APOB: variants seen among roughly 807,000 people sequenced by gnomAD.
The protein encoded by APOB is apolipoprotein B-100.
In APOB, 153 loss-of-function variants were observed where a neutral mutation model predicts 314.1. The ratio of observed to expected loss-of-function variants is 0.49; its 90% CI spans 0.43 to 0.56. The LOEUF (loss-of-function observed/expected upper bound fraction) is 0.56, where lower values mean the gene tolerates loss of function less well. APOB is among the 20% of genes least tolerant of loss of function. APOB has a pLI of 0.00. For missense variants in APOB, 5,430 were observed against 5,350.7 expected (o/e 1.01, Z -0.46); for synonymous variants, 2,087 against 2,036.4 (o/e 1.02, Z -0.67).
Position 21,005,124 on chromosome 2 carries a change from G to T in APOB, c.11744C>A (p.Ser3915Tyr). ...GAACTGTACGGTTGAGCTGCATGTGGAATCCAGGACTGTTTCAACATAATC... is the reference window on the plus strand; with the variant it reads ...GAACTGTACGGTTGAGCTGCATGTGTAATCCAGGACTGTTTCAACATAATC... ...KADYVETVLD[S>Y]TCSSTVQFLE... Residue 3915 changes from serine to tyrosine, a missense_variant, in exon 26 of 29, where the codon TCC (serine) becomes TAC (tyrosine). Ser to Tyr is a moderately radical substitution (Grantham distance 144, BLOSUM62 -2). Around this residue, in one of 3 missense-constraint regions of APOB, gnomAD observed 3,281 missense variants for 3,171.0 expected, o/e 1.03. Coordinates refer to ENST00000233242, the MANE Select transcript of APOB (RefSeq NM_000384.3). 6.2e-7 allele frequency: 1 copy of T among 1,613,984 alleles called. No individual in the cohort carries two copies. The highest frequency in any genetic ancestry group is 1.1e-5 in the South Asian group (1 of 91,082).
Position 21,010,033 on chromosome 2 carries a change from G to A in APOB, c.6835C>T (p.Gln2279Ter), listed in dbSNP as rs121918388. ...TGTTTTAACTTTCCAGCTAGGTGCT[G>A]GATGTCTATATTCTGTATGTGTCTC... ...LKRHIQNIDI[Q>*]HLAGKLKQHI... The change falls in exon 26 of 29, where the codon CAG becomes TAG. Residue 2279 changes from glutamine (Q) to a stop codon, truncating the protein, a stop_gained. Transcript: ENST00000233242. LOFTEE classifies it high-confidence loss of function. The A allele has an allele frequency of 6.2e-7, 1 of 1,613,596 alleles. No homozygotes were observed. Among genetic ancestry groups the A allele is most frequent in the Non-Finnish European group, 8.5e-7 (1 of 1,179,922 alleles).
rs1012731188 is a variant in APOB at position 21,004,256 on chromosome 2, A to G, written c.12087+13T>C. 6.2e-7 allele frequency: 1 copy of G among 1,613,620 alleles called. No individual in the cohort carries two copies. Among genetic ancestry groups the G allele is most frequent in the Non-Finnish European group, 8.5e-7 (1 of 1,179,628 alleles). The stretch of plus-strand genomic sequence containing the variant: ...CGCTCTTGGGGGCGTGTCACTCATT[A>G]GGTGGTATTTACCTGAGGGCTGTAG... On this transcript the variant is annotated intron_variant, in intron 28 of 28. Coordinates refer to ENST00000233242, the MANE Select transcript of APOB (RefSeq NM_000384.3).
Position 21,022,817 on chromosome 2 carries a change from G to A in APOB, c.2816+14C>T, listed in dbSNP as rs1312891367. The A allele has an allele frequency of 6.2e-7, 1 of 1,612,728 alleles. No individual in the cohort carries two copies. The highest frequency in any genetic ancestry group is 8.5e-7 in the Non-Finnish European group (1 of 1,178,968). On this transcript the variant is annotated intron_variant, in intron 18 of 28. Transcript: ENST00000233242. Reference sequence around the variant, plus strand: ...CTTTCAAACTGGCTAGGCAGACTTGGCTGAAAGAATTACCCTCCACTGAGC... The same window carrying A: ...CTTTCAAACTGGCTAGGCAGACTTGACTGAAAGAATTACCCTCCACTGAGC...
chr2:21,022,750 G>C (rs910482872), intron 18 of APOB, 81 bp downstream of exon 18: 1 of 1,357,450 alleles, frequency 7.4e-7, no homozygotes, highest in Non-Finnish European at 1.0e-6. Flanking sequence ...TCAATCAACT[G>C]TTTAGCCTGG....
At chr2:21,036,861 G>A (rs1444783918) in intron 6 of APOB, among the ~76,000 whole-genome samples, 1 of 152,142 alleles carries the variant, frequency 6.6e-6, no homozygotes, top group Admixed American at 6.5e-5. Flanking sequence ...AAGGACAGGA[G>A]GAAAGACAGA....
At position 21,007,982 on chromosome 2, in the gene APOB, C is replaced by T. The variant is rs1374418250; in HGVS notation, c.8886G>A (p.Lys2962=). ...GPLTSFGLSN[K]INSKHLRVNQ... is the part of the protein sequence containing the mutation. The stretch of plus-strand genomic sequence containing the variant: ...TTACTCTTAGGTGTTTGCTATTGAT[C>T]TTATTGGACAGTCCAAAGGAAGTGA... Residue 2962 remains lysine (K), a synonymous_variant, in exon 26 of 29, where the codon AAG becomes AAA. Transcript: ENST00000233242. 1 of 1,613,948 alleles carries T rather than the reference C, an allele frequency of 6.2e-7. No homozygotes were observed. The highest frequency in any genetic ancestry group is 8.5e-7 in the Non-Finnish European group (1 of 1,179,964).
At position 21,023,595 on chromosome 2, in the gene APOB, T is replaced by C; in HGVS notation, c.2534A>G (p.Gln845Arg). The C allele has an allele frequency of 6.2e-7, 1 of 1,614,226 alleles. No homozygotes were observed. Among genetic ancestry groups the C allele is most frequent in the Non-Finnish European group, 8.5e-7 (1 of 1,180,024 alleles). ...AFELPTGAGL[Q>R]LQISSSGVIA... is the part of the protein sequence containing the mutation. ...GACTCCAGATGAAGATATTTGCAAC[T>C]GTAATCCAGCTCCAGTGGGGAGTTC... Residue 845 changes from glutamine (Q) to arginine (R), a missense_variant, in exon 17 of 29, where the codon CAG becomes CGG. By Grantham distance (43) the Gln-to-Arg change is conservative. Around this residue, in one of 3 missense-constraint regions of APOB, gnomAD observed 2,085 missense variants for 2,079.7 expected, o/e 1.00. Transcript: ENST00000233242.
chr2:21,005,507 G>A lies in APOB; in HGVS notation c.11361C>T (p.Pro3787=), dbSNP rs200979977. Residue 3787 remains proline (P), a synonymous_variant, in exon 26 of 29, where the codon CCC becomes CCT. Coordinates refer to ENST00000233242, the MANE Select transcript of APOB (RefSeq NM_000384.3). The part of the protein sequence containing the change: ...SSFALNLPTL[P]EVKFPEVDVL... ...CATCAACTTCAGGGAATTTTACCTCGGGGAGTGTTGGTAGGTTGAGGGCAA... is the reference window on the plus strand; with the variant it reads ...CATCAACTTCAGGGAATTTTACCTCAGGGAGTGTTGGTAGGTTGAGGGCAA... 24 of 1,613,960 alleles carry A rather than the reference G, an allele frequency of 1.5e-5. No homozygotes were observed. The highest frequency in any genetic ancestry group is 1.7e-4 in the Middle Eastern group (1 of 6,058).
rs1208093663 is a variant in APOB at position 21,008,271 on chromosome 2, G to A, written c.8597C>T (p.Thr2866Ile). 3.1e-6 allele frequency: 5 copies of A among 1,613,938 alleles called. No individual in the cohort carries two copies. The East Asian group carries it at 6.7e-5, about 22-fold the overall frequency. Residue 2866 changes from threonine to isoleucine, a missense_variant, in exon 26 of 29, where the codon ACA (threonine) becomes ATA (isoleucine). Physicochemically the swap from Thr to Ile is moderately conservative, Grantham distance 89. Around this residue, in one of 3 missense-constraint regions of APOB, gnomAD observed 3,281 missense variants for 3,171.0 expected, o/e 1.03. Transcript: ENST00000233242. ...AATCACTCCATTACTAAGCTCCAGT[G>A]TATTTTTTTCTGTGTGTAAACTTGC... ...TVASLHTEKN[T>I]LELSNGVIVK... is the part of the protein sequence containing the mutation.
chr2:21,001,546 C>T lies in APOB; in HGVS notation c.*184G>A. The T allele has an allele frequency of 1.7e-6, 1 of 593,880 alleles. No homozygotes were observed. Among genetic ancestry groups the T allele is most frequent in the Non-Finnish European group, 2.9e-6 (1 of 343,864 alleles). The allele number at this position is 593,880 out of a possible 1,614,324, so 36.8% of individuals were successfully genotyped here. A position where few individuals can be genotyped will look rare whatever the true frequency, so the allele number is the denominator to read the frequency against. ...ATGCCATCCTTCTGAGTTCAGAGAC[C>T]TTCCGAGCCCTGGTGCCAGCTTTGG... On this transcript the variant is annotated 3_prime_UTR_variant, in exon 29 of 29. Transcript: ENST00000233242.
Position 21,009,955 on chromosome 2 carries a change from T to C in APOB, c.6913A>G (p.Ile2305Val), listed in dbSNP as rs764684714. 5.6e-6 allele frequency: 9 copies of C among 1,613,792 alleles called. No individual in the cohort carries two copies. In the Middle Eastern group the frequency reaches 6.6e-4, roughly 118 times the overall value. Residue 2305 changes from isoleucine to valine, a missense_variant, in exon 26 of 29, where the codon ATT (isoleucine) becomes GTT (valine). Physicochemically the swap from Ile to Val is conservative, Grantham distance 29 (BLOSUM62 3). Around this residue, in one of 3 missense-constraint regions of APOB, gnomAD observed 3,281 missense variants for 3,171.0 expected, o/e 1.03. Transcript: ENST00000233242. ...RVLLDQLGTT[I>V]SFERINDILE... ...ATGTCATTTATTCTTTCAAATGAAA[T>C]TGTAGTTCCCAATTGATCTAAAAGC...
rs1377076824 is a variant in APOB, at chr2:21,005,139, TCAA to T, written c.11726_11728del (p.Val3909del). Reference sequence around the variant, plus strand: ...GCTGCATGTGGAATCCAGGACTGTTTCAACATAATCTGCTTTGTTTTTCAAACT... The same window carrying T: ...GCTGCATGTGGAATCCAGGACTGTTTCATAATCTGCTTTGTTTTTCAAACT... On this transcript the variant is annotated inframe_deletion, in exon 26 of 29. Transcript: ENST00000233242. 1 of 1,614,054 alleles carries T rather than the reference TCAA, an allele frequency of 6.2e-7. No homozygotes were observed. Among genetic ancestry groups the T allele is most frequent in the Non-Finnish European group, 8.5e-7 (1 of 1,179,940 alleles).
Position 21,008,428 on chromosome 2 carries a change from G to A in APOB, c.8440C>T (p.Leu2814Phe). 1.9e-6 allele frequency: 3 copies of A among 1,614,102 alleles called. No individual in the cohort carries two copies. The highest frequency in any genetic ancestry group is 2.5e-6 in the Non-Finnish European group (3 of 1,179,986). Reference sequence around the variant, plus strand: ...AGCGGATTAATCTTAGGGTTTGAGAGTTGTGCATTTGCTTGAAAATCAAAA... The same window carrying A: ...AGCGGATTAATCTTAGGGTTTGAGAATTGTGCATTTGCTTGAAAATCAAAA... Reference protein sequence around the residue: ...LNFDFQANAQLSNPKINPLAL... With the variant: ...LNFDFQANAQFSNPKINPLAL... Residue 2814 changes from leucine (L) to phenylalanine (F), a missense_variant, in exon 26 of 29, where the codon CTC becomes TTC. Leu to Phe is a conservative substitution (Grantham distance 22, BLOSUM62 0). Around this residue, in one of 3 missense-constraint regions of APOB, gnomAD observed 3,281 missense variants for 3,171.0 expected, o/e 1.03. Transcript: ENST00000233242.
In APOB at chr2:21,007,813, C is replaced by A. The variant is rs1431445254; in HGVS notation, c.9055G>T (p.Gly3019Trp). 1.2e-6 allele frequency: 2 copies of A among 1,613,968 alleles called. No homozygotes were observed. Among genetic ancestry groups the A allele is most frequent in the East Asian group, 2.2e-5 (1 of 44,890 alleles). ...CCATTTAAATGAGCATCATGCCTCC[C>A]AGTAAACTCTGCCTTCCCTTCTCCA... Reference protein sequence around the residue: ...LFGEGKAEFTGRHDAHLNGKV... With the variant: ...LFGEGKAEFTWRHDAHLNGKV... Residue 3019 changes from glycine (G) to tryptophan (W), a missense_variant, in exon 26 of 29, where the codon GGG becomes TGG. Transcript: ENST00000233242.
chr2:21,009,888 T>G lies in APOB; in HGVS notation c.6980A>C (p.Asp2327Ala). The G allele has an allele frequency of 6.2e-7, 1 of 1,613,978 alleles. No homozygotes were observed. Among genetic ancestry groups the G allele is most frequent in the South Asian group, 1.1e-5 (1 of 91,078 alleles). Residue 2327 changes from aspartate (D) to alanine (A), a missense_variant, in exon 26 of 29, where the codon GAT (aspartate) becomes GCT (alanine). Coordinates refer to ENST00000233242, the MANE Select transcript of APOB (RefSeq NM_000384.3). Reference protein sequence around the residue: ...VKHFVINLIGDFEVAEKINAF... With the variant: ...VKHFVINLIGAFEVAEKINAF... ...ATTGATTTTCTCAGCTACTTCAAAA[T>G]CCCCAATAAGATTTATAACAAAGTG...
chr2:21,017,788 A>G (rs899978605), intron 20 of APOB, among the ~76,000 whole-genome samples: 3 of 152,144 alleles, frequency 2.0e-5, no homozygotes, highest in Non-Finnish European at 2.9e-5. Flanking sequence ...TCGTAAAACA[A>G]TGTTTACCAA....
Position 21,007,170 on chromosome 2 carries a change from T to A in APOB, c.9698A>T (p.Tyr3233Phe), listed in dbSNP as rs753419406. The A allele has an allele frequency of 4.3e-6, 7 of 1,613,854 alleles. No homozygotes were observed. In the Admixed American group the frequency reaches 1.2e-4, roughly 27 times the overall value. ...CTCGTCGTGAGATTTTTCAGCTTTG[T>A]ACTTATCAAACTTAATTTTTGTTTC... ...YNETKIKFDK[Y>F]KAEKSHDELP... The change falls in exon 26 of 29, where the codon TAC becomes TTC. Residue 3233 changes from tyrosine (Y) to phenylalanine (F), a missense_variant. Physicochemically the swap from Tyr to Phe is conservative, Grantham distance 22. Coordinates refer to ENST00000233242, the MANE Select transcript of APOB (RefSeq NM_000384.3).
At position 21,010,891 on chromosome 2, in the gene APOB, T is replaced by G; in HGVS notation, c.5977A>C (p.Ser1993Arg). Residue 1993 changes from serine to arginine, a missense_variant, in exon 26 of 29, where the codon AGC becomes CGC. Around this residue, in one of 3 missense-constraint regions of APOB, gnomAD observed 3,281 missense variants for 3,171.0 expected, o/e 1.03. Transcript: ENST00000233242. The part of the protein sequence containing the change: ...LKTQFNNNEY[S>R]QDLDAYNTKD... Reference sequence around the variant, plus strand: ...GTGTTGTAAGCATCCAAGTCCTGGCTGTATTCATTGTTGTTAAATTGGGTC... The same window carrying G: ...GTGTTGTAAGCATCCAAGTCCTGGCGGTATTCATTGTTGTTAAATTGGGTC... 6.2e-7 allele frequency: 1 copy of G among 1,614,148 alleles called. No individual in the cohort carries two copies. The highest frequency in any genetic ancestry group is 8.5e-7 in the Non-Finnish European group (1 of 1,180,016).
At chr2:21,032,153 G>C (rs962311950) in intron 10 of APOB, among the ~76,000 whole-genome samples, 2 of 152,086 alleles carry the variant, frequency 1.3e-5, no homozygotes, top group African/African-American at 4.8e-5. Context: ...ATATAATGTA[G>C]AGAAAATATT....
Sources: allele counts gnomAD v4.1 joint callset (sites outside exome capture counted in the v4.1 genomes callset), GRCh38; gene constraint gnomAD v4.1.1; regional missense constraint gnomAD v4.1.1; transcripts MANE v1.5; gene names NCBI Gene and HGNC (gene_info 2026-07-23, HGNC 2026-07-21).